MYLK4: variants seen among roughly 807,000 people sequenced by gnomAD.
MYLK4 encodes myosin light chain kinase family member 4.
Under a neutral mutation model 48.1 loss-of-function variants are expected in MYLK4, and 46 were observed. The ratio of observed to expected loss-of-function variants is 0.96; its 90% CI spans 0.75 to 1.22. The LOEUF (loss-of-function observed/expected upper bound fraction) is 1.22, where lower values mean the gene tolerates loss of function less well. Ranked by LOEUF, MYLK4 falls within the 50% of genes most tolerant of loss-of-function variation. The pLI, the probability that MYLK4 is intolerant of heterozygous loss-of-function variation, is 0.00. For synonymous variants in MYLK4, 170 were observed against 180.8 expected, an observed-to-expected ratio of 0.94 and a Z score of 0.48; for missense variants, 451 against 486.1, an observed-to-expected ratio of 0.93 and a Z score of 0.68.
At chr6:2,680,103 A>G in intron 8 of MYLK4, 118 bp downstream of exon 8, 2 of 1,200,600 alleles carry the variant, frequency 1.7e-6, no homozygotes, top group Non-Finnish European at 1.1e-6. Context: ...AATTTTTGTT[A>G]AATTAATTAT....
chr6:2,732,759 T>G (rs1763521204), intron 2 of MYLK4, among the ~76,000 whole-genome samples: 1 of 151,352 alleles, frequency 6.6e-6, no homozygotes, highest in African/African-American at 2.4e-5. Flanking sequence ...ATCTAGAGGG[T>G]TTGCAGGAAC....
At chr6:2,679,515 T>G in intron 8 of MYLK4, 107 bp from the exon 9 acceptor site, 1 of 1,354,928 alleles carries the variant, frequency 7.4e-7, no homozygotes, top group Non-Finnish European at 1.1e-6. Flanking sequence ...TACAGCAAAC[T>G]TCAGACAAAC....
Position 2,666,365 on chromosome 6 carries a change from A to G in MYLK4, c.*1560T>C, listed in dbSNP as rs1053078896. ...GCCAACATGGAGAAACCCCATCTCTACTAAAAATGCAAAAATCAGCCGTGC... is the reference window on the plus strand; with the variant it reads ...GCCAACATGGAGAAACCCCATCTCTGCTAAAAATGCAAAAATCAGCCGTGC... On this transcript the variant is annotated 3_prime_UTR_variant, in exon 13 of 13. Coordinates refer to ENST00000274643, the MANE Select transcript of MYLK4 (RefSeq NM_001012418.5). 3 of 152,176 alleles carry G rather than the reference A, an allele frequency of 2.0e-5. No individual in the cohort carries two copies. Among genetic ancestry groups the G allele is most frequent in the African/African-American group, 7.2e-5 (3 of 41,434 alleles). The allele number at this position is 152,176 out of a possible 1,614,324, so 9.4% of individuals were successfully genotyped here.
At chr6:2,675,935 A>G (rs1020821377) in intron 10 of MYLK4, among the ~76,000 whole-genome samples, 8 of 152,078 alleles carry the variant, frequency 5.3e-5, no homozygotes, top group African/African-American at 1.9e-4. Context: ...TACTAAAAAT[A>G]CAAAAAATTA....
chr6:2,685,423 G>C lies in MYLK4; in HGVS notation c.436-18C>G, dbSNP rs774227655. On this transcript the variant is annotated intron_variant, in intron 5 of 12. Coordinates refer to ENST00000274643, the MANE Select transcript of MYLK4 (RefSeq NM_001012418.5). The surrounding 1 kb of genome is among the most constrained non-coding windows in gnomAD (Gnocchi z 4.5). ...ACCTCCTCCTGAGAAGCAGGAAACA[G>C]TGCATTAGTGTGGTCAAGATGGGGC... 1 of 1,592,804 alleles carries C rather than the reference G, an allele frequency of 6.3e-7. No individual in the cohort carries two copies. The highest frequency in any genetic ancestry group is 1.7e-5 in the Admixed American group (1 of 59,542).
chr6:2,733,541 C>G (rs6930270), intron 2 of MYLK4, among the ~76,000 whole-genome samples: 2 of 151,996 alleles, frequency 1.3e-5, no homozygotes, highest in African/African-American at 4.8e-5. Flanking sequence ...GAGAAGGAAG[C>G]CTACGTGGTC....
chr6:2,748,129 G>T (rs953966407), intron 2 of MYLK4, among the ~76,000 whole-genome samples: 1 of 152,188 alleles, frequency 6.6e-6, no homozygotes, highest in Non-Finnish European at 1.5e-5. Context: ...GGGCAAAGAA[G>T]GATGTTTTCC....
At chr6:2,737,237 C>T (rs922750851) in intron 2 of MYLK4, among the ~76,000 whole-genome samples, 3 of 152,330 alleles carry the variant, frequency 2.0e-5, no homozygotes, top group Middle Eastern at 3.4e-3. Context: ...CGCTTGAACC[C>T]GGGAGGCGGA....
chr6:2,715,805 G>C (rs193215585), intron 2 of MYLK4, among the ~76,000 whole-genome samples: 1 of 152,174 alleles, frequency 6.6e-6, no homozygotes, highest in African/African-American at 2.4e-5. Flanking sequence ...ATATGAAAGG[G>C]TTTTCCCTGC....
intron 2 of MYLK4, among the ~76,000 whole-genome samples, chr6:2,716,971 T>C (rs569021988): frequency 1.3e-5 from 2 of 152,324 alleles, no homozygotes; most frequent in South Asian, 4.2e-4. Context: ...CCCTGGGGTA[T>C]CAAGGCTCTA....
upstream of MYLK4, among the ~76,000 whole-genome samples, chr6:2,754,542 T>C (rs34477540): frequency 0.12 from 18,655 of 152,246 alleles, 1,254 homozygotes; most frequent in South Asian, 0.24. Context: ...GGGGGTTAAT[T>C]GTAAACAGAA....
At chr6:2,758,762 G>A in the MYLK4 span, among the ~76,000 whole-genome samples, 1 of 151,994 alleles carries the variant, frequency 6.6e-6, no homozygotes, top group African/African-American at 2.4e-5. Context: ...TTTTTTCCCA[G>A]TTAAAACTGT....
chr6:2,760,669 A>G, the MYLK4 span, among the ~76,000 whole-genome samples: 1 of 152,210 alleles, frequency 6.6e-6, no homozygotes, highest in Non-Finnish European at 1.5e-5. Context: ...ATGAATATCA[A>G]TGGAAAATCA....
chr6:2,753,591 A>C (rs1465420313), upstream of MYLK4, among the ~76,000 whole-genome samples: 3 of 152,220 alleles, frequency 2.0e-5, no homozygotes, highest in Non-Finnish European at 4.4e-5. Flanking sequence ...TATTATGAAA[A>C]TGAAAAGACC....
chr6:2,750,641 C>A (rs1027526678), intron 1 of MYLK4, 95 bp downstream of exon 1: 10 of 152,118 alleles, frequency 6.6e-5, no homozygotes, highest in Admixed American at 5.2e-4. Flanking sequence ...AAACATTAAG[C>A]TCTACCTGAA....
chr6:2,733,585 G>A lies in MYLK4; in HGVS notation c.159+15551C>T, dbSNP rs142887443. Among the ~76,000 whole-genome samples, 788 of 152,310 alleles carry A rather than the reference G, an allele frequency of 5.2e-3. 4 individuals carry two copies. The highest frequency in any genetic ancestry group is 8.9e-3 in the Non-Finnish European group (604 of 68,028). On this transcript the variant is annotated intron_variant, in intron 2 of 12. Coordinates refer to ENST00000274643, the MANE Select transcript of MYLK4 (RefSeq NM_001012418.5). ...GAGCTGTAAGAGGGAGGGGCAATGC[G>A]TAGTCAGCCCAGATAGAGCTCAAAT...
the MYLK4 span, among the ~76,000 whole-genome samples, chr6:2,765,182 A>ACCCCCCCCCCCCCCCCC: frequency 1.6e-4 from 12 of 72,912 alleles, 1 homozygote; most frequent in South Asian, 5.3e-4. Flanking sequence ...TCGCCTCGCA[A>ACCCCCCCCCCCCCCCCC]CCCCCCCCCC....
At chr6:2,712,908 A>C (rs956095763) in intron 2 of MYLK4, among the ~76,000 whole-genome samples, 6 of 152,230 alleles carry the variant, frequency 3.9e-5, no homozygotes, top group Non-Finnish European at 5.9e-5. Flanking sequence ...TACAGCCAGG[A>C]TGCTGGGTTC....
intron 12 of MYLK4, among the ~76,000 whole-genome samples, 200 bp downstream of exon 12, chr6:2,671,076 C>T (rs530004112): frequency 7.2e-5 from 11 of 152,120 alleles, no homozygotes; most frequent in Non-Finnish European, 1.0e-4. Context: ...CTCCCCAACC[C>T]GTAAGTCAGG....
Sources: allele counts gnomAD v4.1 joint callset (sites outside exome capture counted in the v4.1 genomes callset), GRCh38; gene constraint gnomAD v4.1.1; non-coding constraint Gnocchi (gnomAD v3.1); transcripts MANE v1.5; gene names NCBI Gene and HGNC (gene_info 2026-07-23, HGNC 2026-07-21).